CCDC86: variants seen among roughly 807,000 people sequenced by gnomAD.
CCDC86 encodes the protein coiled-coil domain-containing protein 86.
In CCDC86, 28 loss-of-function variants were observed where a neutral mutation model predicts 36.7. The ratio of observed to expected loss-of-function variants is 0.76; its 90% confidence interval spans 0.57 to 1.05. The LOEUF is 1.05. Ranked by LOEUF, CCDC86 falls within the 50% of genes least tolerant of loss-of-function variation. The probability of loss-of-function intolerance (pLI) is 0.00; values close to 1 mark genes in which losing one functional copy is unlikely to be tolerated. For missense variants in CCDC86, 453 were observed against 470.2 expected (o/e 0.96, Z 0.34); for synonymous variants, 199 against 203.4 (o/e 0.98, Z 0.18).
chr11:60,849,468 G>T (rs1035026835), intron 2 of CCDC86, among the ~76,000 whole-genome samples: 1 of 152,204 alleles, frequency 6.6e-6, no homozygotes, highest in African/African-American at 2.4e-5. Flanking sequence ...CCCCTGCCCA[G>T]CCCCACACCT....
In CCDC86 at chr11:60,848,025, TGGA is replaced by T. The variant is rs778818955; in HGVS notation, c.868_870del (p.Glu290del). 1.9e-6 allele frequency: 3 copies of T among 1,613,172 alleles called. No individual in the cohort carries two copies. Among genetic ancestry groups the T allele is most frequent in the African/African-American group, 2.7e-5 (2 of 74,982 alleles). On this transcript the variant is annotated inframe_deletion, in exon 2 of 4. Coordinates refer to ENST00000227520, the MANE Select transcript of CCDC86 (RefSeq NM_024098.4). ...CTGGCCAAGGACTTTGCCCGTCACC[TGGA>T]GGAGGAGAAGGAGAGGCGCCGCCAG... is the stretch of plus-strand genomic sequence containing the variant.
intron 1 of CCDC86, among the ~76,000 whole-genome samples, chr11:60,846,819 C>G (rs1453395523): frequency 6.6e-6 from 1 of 152,190 alleles, no homozygotes; most frequent in Non-Finnish European, 1.5e-5. Context: ...GGTGATCGGC[C>G]CACCTCAGCC....
chr11:60,850,053 C>T, intron 3 of CCDC86, 39 bp downstream of exon 3: 2 of 1,610,184 alleles, frequency 1.2e-6, no homozygotes, highest in Non-Finnish European at 1.7e-6. Flanking sequence ...TTCTGCCCCA[C>T]TTGGGGGTGC....
At position 60,848,044 on chromosome 11, in the gene CCDC86, GCGCCGC is replaced by G; in HGVS notation, c.881_886del (p.Arg294_Arg295del). On this transcript the variant is annotated inframe_deletion, in exon 2 of 4. Coordinates refer to ENST00000227520, the MANE Select transcript of CCDC86 (RefSeq NM_024098.4). ...GTCACCTGGAGGAGGAGAAGGAGAG[GCGCCGC>G]CAGGTGAGGGGCCAGCCAGGCTGAG... is the stretch of plus-strand genomic sequence containing the variant. 1 of 1,612,996 alleles carries G rather than the reference GCGCCGC, an allele frequency of 6.2e-7. No homozygotes were observed. Among genetic ancestry groups the G allele is most frequent in the Non-Finnish European group, 8.5e-7 (1 of 1,179,340 alleles).
chr11:60,846,576 T>C (rs944715502), intron 1 of CCDC86, among the ~76,000 whole-genome samples: 1 of 152,202 alleles, frequency 6.6e-6, no homozygotes, highest in African/African-American at 2.4e-5. Flanking sequence ...TTTCTTTTTT[T>C]CTTTTTTTTT....
rs1855130914 is a variant in CCDC86, at chr11:60,842,410, CAAG to C, written c.288_290del (p.Gln96_Asp97delinsHis). 2 of 1,613,832 alleles carry C rather than the reference CAAG, an allele frequency of 1.2e-6. No homozygotes were observed. The highest frequency in any genetic ancestry group is 1.7e-5 in the Admixed American group (1 of 60,006). ...AGGCGCAGCGTCCCCCCAGCGTCAGCAAGACCTACACCTGGAGTCGCCTCAAAG... is the reference window on the plus strand; with the variant it reads ...AGGCGCAGCGTCCCCCCAGCGTCAGCACCTACACCTGGAGTCGCCTCAAAG... On this transcript the variant is annotated inframe_deletion, in exon 1 of 4. Coordinates refer to ENST00000227520, the MANE Select transcript of CCDC86 (RefSeq NM_024098.4).
At position 60,850,210 on chromosome 11, in the gene CCDC86, G is replaced by A. The variant is rs766679915; in HGVS notation, c.968G>A (p.Arg323Gln). Residue 323 changes from arginine (R) to glutamine (Q), a missense_variant, in exon 4 of 4, where the codon CGA (arginine) becomes CAA (glutamine). Transcript: ENST00000227520. ...ERKAEVVQVI[R>Q]NPAKLKRAKK... ...CTCCCCTCATACCACCCCCAGATCC[G>A]AAACCCCGCCAAGCTCAAGCGGGCA... 30 of 1,613,982 alleles carry A rather than the reference G, an allele frequency of 1.9e-5. No homozygotes were observed. The highest frequency in any genetic ancestry group is 8.0e-5 in the African/African-American group (6 of 74,904).
chr11:60,843,423 G>A (rs1038273148), intron 1 of CCDC86, among the ~76,000 whole-genome samples: 2 of 152,184 alleles, frequency 1.3e-5, no homozygotes, highest in African/African-American at 4.8e-5. Flanking sequence ...TGTGAAGCAG[G>A]CGGTGTTATT....
intron 1 of CCDC86, among the ~76,000 whole-genome samples, chr11:60,846,287 G>A (rs1312953334): frequency 6.6e-6 from 1 of 152,214 alleles, no homozygotes; most frequent in East Asian, 1.9e-4. Flanking sequence ...GGCCTTCAGT[G>A]GCAAGGCCTT....
At chr11:60,847,685 G>A (rs947072677) in intron 1 of CCDC86, 2 of 353,134 alleles carry the variant, frequency 5.7e-6, no homozygotes, top group Non-Finnish European at 1.1e-5. Flanking sequence ...AAGTGGAGAG[G>A]ATAGGAGTAC....
rs781758344 is a variant in CCDC86, at chr11:60,842,436, AAGAC to A, written c.315_318del (p.Arg105SerfsTer40). 6.2e-6 allele frequency: 10 copies of A among 1,613,958 alleles called. No individual in the cohort carries two copies. Among genetic ancestry groups the A allele is most frequent in the Non-Finnish European group, 1.7e-6 (2 of 1,179,988 alleles). On this transcript the variant is annotated frameshift_variant, in exon 1 of 4. Transcript: ENST00000227520. LOFTEE classifies it high-confidence loss of function. ...AAGACCTACACCTGGAGTCGCCTCA[AAGAC>A]AGCCAGAGTACAGTCCTGAATCCCC...
chr11:60,848,234 G>A (rs1197309184), intron 2 of CCDC86, among the ~76,000 whole-genome samples, 181 bp downstream of exon 2: 1 of 152,006 alleles, frequency 6.6e-6, no homozygotes, highest in Non-Finnish European at 1.5e-5. Context: ...TGCAATCTGG[G>A]ACTACAGGGC....
Position 60,842,487 on chromosome 11 carries a change from T to G in CCDC86, c.363T>G (p.Ser121Arg). Reference sequence around the variant, plus strand: ...CCCCACGATGTCAGCCGAAGCCAAGTGAGGAGGCACCAAAGTGTTCTCAGG... The same window carrying G: ...CCCCACGATGTCAGCCGAAGCCAAGGGAGGAGGCACCAAAGTGTTCTCAGG... Reference protein sequence around the residue: ...PESPRCQPKPSEEAPKCSQDQ... With the variant: ...PESPRCQPKPREEAPKCSQDQ... The change falls in exon 1 of 4, where the codon AGT becomes AGG. Residue 121 changes from serine to arginine, a missense_variant. Ser to Arg is a moderately radical substitution (Grantham distance 110, BLOSUM62 -1). Coordinates refer to ENST00000227520, the MANE Select transcript of CCDC86 (RefSeq NM_024098.4). 1 of 1,613,584 alleles carries G rather than the reference T, an allele frequency of 6.2e-7. No individual in the cohort carries two copies. The highest frequency in any genetic ancestry group is 1.7e-5 in the Admixed American group (1 of 60,006).
chr11:60,847,969 G>C lies in CCDC86; in HGVS notation c.804G>C (p.Gln268His). Residue 268 changes from glutamine to histidine, a missense_variant, in exon 2 of 4, where the codon CAG becomes CAC. Transcript: ENST00000227520. ...LQDKPLRTSWQRKMKERQERK... is the reference protein window; with the variant it reads ...LQDKPLRTSWHRKMKERQERK... ...ACAAGCCCCTGCGCACATCGTGGCA[G>C]CGGAAGATGAAGGAACGACAGGAGA... is the stretch of plus-strand genomic sequence containing the variant. The C allele has an allele frequency of 1.2e-6, 2 of 1,613,600 alleles. No homozygotes were observed. The highest frequency in any genetic ancestry group is 8.5e-7 in the Non-Finnish European group (1 of 1,179,664).
chr11:60,848,684 G>A (rs540913885), intron 2 of CCDC86, among the ~76,000 whole-genome samples: 1 of 152,120 alleles, frequency 6.6e-6, no homozygotes, highest in East Asian at 1.9e-4. Context: ...CTGCCCCCCA[G>A]GGCAGGGCAG....
At chr11:60,845,816 TAGAG>T (rs1240493057) in intron 1 of CCDC86, among the ~76,000 whole-genome samples, 1 of 152,186 alleles carries the variant, frequency 6.6e-6, no homozygotes, top group African/African-American at 2.4e-5. Context: ...TGCTGAGACT[TAGAG>T]AGGCTACCTT....
At chr11:60,846,472 CAAAG>C (rs751879521) in intron 1 of CCDC86, among the ~76,000 whole-genome samples, 9 of 152,132 alleles carry the variant, frequency 5.9e-5, no homozygotes, top group Non-Finnish European at 1.3e-4. Flanking sequence ...TTCAAGCATA[CAAAG>C]AAAGAGCAAA....
rs762358019 is a variant in CCDC86 at position 60,850,193 on chromosome 11, A to G, written c.964-13A>G. The G allele has an allele frequency of 3.4e-5, 55 of 1,613,880 alleles. No individual in the cohort carries two copies. Among genetic ancestry groups the G allele is most frequent in the Non-Finnish European group, 4.6e-5 (54 of 1,179,964 alleles). On this transcript the variant is annotated splice_polypyrimidine_tract_variant and intron_variant, in intron 3 of 3. Coordinates refer to ENST00000227520, the MANE Select transcript of CCDC86 (RefSeq NM_024098.4). ...GCAGCTGCACTAATGTCCTCCCCTC[A>G]TACCACCCCCAGATCCGAAACCCCG...
intron 1 of CCDC86, chr11:60,843,085 A>C: frequency 1.6e-6 from 1 of 637,200 alleles, no homozygotes. Flanking sequence ...CTCAAAGATC[A>C]ATTTCTCTGA....
Sources: gnomAD v4.1 joint callset for allele counts (sites outside exome capture counted in the v4.1 genomes callset) on GRCh38, gnomAD v4.1.1 for gene constraint, MANE v1.5 for transcripts, NCBI Gene and HGNC (gene_info 2026-07-23, HGNC 2026-07-21) for gene names.